The following IYD variants were observed in gnomAD, a reference collection of about 807,000 sequenced individuals.
IYD encodes iodotyrosine deiodinase 1.
IYD carries 25 observed loss-of-function variants against 28.4 expected under a neutral mutation model. The observed-to-expected ratio is 0.88, with a 90% confidence interval of 0.64 to 1.23. The LOEUF (loss-of-function observed/expected upper bound fraction) is 1.23, where lower values mean the gene tolerates loss of function less well. IYD is among the 50% of genes most tolerant of loss of function. The pLI is 0.00. For synonymous variants in IYD, 140 were observed against 130.8 expected, an observed-to-expected ratio of 1.07 and a Z score of -0.48; for missense variants, 352 against 357.9, an observed-to-expected ratio of 0.98 and a Z score of 0.13.
At chr6:150,382,280 C>T (rs142528194) in intron 1 of IYD, among the ~76,000 whole-genome samples, 1 of 152,288 alleles carries the variant, frequency 6.6e-6, no homozygotes, top group Non-Finnish European at 1.5e-5. Context: ...GGCCGTCTCT[C>T]AGCTTGCATT....
chr6:150,387,353 GAGTTTGAGTCCAGCCT>G (rs1316607684), intron 1 of IYD, among the ~76,000 whole-genome samples: 2 of 151,122 alleles, frequency 1.3e-5, no homozygotes. Flanking sequence ...TTGAGGCCAG[GAGTTTGAGTCCAGCCT>G]GGGCAACATA....
chr6:150,388,159 T>C (rs1777948397), intron 1 of IYD, among the ~76,000 whole-genome samples: 1 of 152,240 alleles, frequency 6.6e-6, no homozygotes, highest in Non-Finnish European at 1.5e-5. Flanking sequence ...TTATTCCAAG[T>C]TCAAGTTTGA....
At chr6:150,391,233 CA>C (rs3842126) in intron 2 of IYD, among the ~76,000 whole-genome samples, 28,162 of 113,032 alleles carry the variant, frequency 0.25, 2,897 homozygotes, top group East Asian at 0.33. Flanking sequence ...GAGACGCCAT[CA>C]AAAAAAAAAA....
At chr6:150,384,829 A>G (rs1197575397) in intron 1 of IYD, 2 of 152,228 alleles carry the variant, frequency 1.3e-5, no homozygotes, top group Non-Finnish European at 1.5e-5. Context: ...TGAACTTCAC[A>G]AAGTTATTTA....
At chr6:150,380,564 G>T (rs576179596) in intron 1 of IYD, among the ~76,000 whole-genome samples, 1 of 152,176 alleles carries the variant, frequency 6.6e-6, no homozygotes, top group South Asian at 2.1e-4. Flanking sequence ...TTTAAAAAAG[G>T]CTGAATCCTC....
intron 1 of IYD, among the ~76,000 whole-genome samples, chr6:150,376,075 G>A (rs191739491): frequency 8.5e-5 from 13 of 152,264 alleles, no homozygotes; most frequent in Admixed American, 6.5e-4. Context: ...CACAATTAAC[G>A]GATTCCTTGG....
intron 4 of IYD, chr6:150,396,553 A>C: frequency 1.5e-6 from 1 of 670,786 alleles, no homozygotes; most frequent in East Asian, 2.8e-5. Context: ...AATGACACTA[A>C]ATTAAGGTGT....
At chr6:150,380,596 GC>G (rs1023252319) in intron 1 of IYD, among the ~76,000 whole-genome samples, 2 of 152,062 alleles carry the variant, frequency 1.3e-5, no homozygotes, top group African/African-American at 2.4e-5. Flanking sequence ...CTTTGAGGAG[GC>G]CAATTCCCTC....
chr6:150,389,230 T>G, intron 1 of IYD, 122 bp from the exon 2 acceptor site: 1 of 706,032 alleles, frequency 1.4e-6, no homozygotes, highest in Non-Finnish European at 2.5e-6. Context: ...CTTTTTTCAT[T>G]TTATAGTATT....
chr6:150,389,273 C>G, intron 1 of IYD, 79 bp from the exon 2 acceptor site: 2 of 1,063,266 alleles, frequency 1.9e-6, no homozygotes, highest in Non-Finnish European at 2.9e-6. Flanking sequence ...CATTTAAGCA[C>G]TTTATCTTCT....
intron 2 of IYD, among the ~76,000 whole-genome samples, chr6:150,389,837 T>C (rs558978259): frequency 6.6e-6 from 1 of 152,316 alleles, no homozygotes; most frequent in South Asian, 2.1e-4. Context: ...CATCATTATA[T>C]TAATATATTG....
intron 1 of IYD, among the ~76,000 whole-genome samples, chr6:150,371,482 AT>A (rs1024652452): frequency 2.0e-5 from 3 of 151,792 alleles, no homozygotes; most frequent in African/African-American, 7.3e-5. Flanking sequence ...AGGCCACTGG[AT>A]TTGAAGACCC....
At chr6:150,375,010 C>T (rs1376120320) in intron 1 of IYD, among the ~76,000 whole-genome samples, 1 of 152,160 alleles carries the variant, frequency 6.6e-6, no homozygotes, top group Non-Finnish European at 1.5e-5. Context: ...GAAAGCACTT[C>T]CCTATTCAAG....
intron 1 of IYD, among the ~76,000 whole-genome samples, chr6:150,380,096 A>G (rs1436128144): frequency 6.6e-6 from 1 of 152,192 alleles, no homozygotes; most frequent in Non-Finnish European, 1.5e-5. Flanking sequence ...GTTCACTAAT[A>G]TATATATCAA....
intron 1 of IYD, 116 bp from the exon 2 acceptor site, chr6:150,389,236 G>A: frequency 1.4e-6 from 1 of 719,458 alleles, no homozygotes; most frequent in Non-Finnish European, 2.4e-6. Context: ...TCATTTTATA[G>A]TATTTTTTTG....
chr6:150,381,543 T>TACAATTATC (rs1486826502), intron 1 of IYD, among the ~76,000 whole-genome samples: 1 of 152,186 alleles, frequency 6.6e-6, no homozygotes, highest in African/African-American at 2.4e-5. Context: ...CAAAACCTTA[T>TACAATTATC]ACAATTATCA....
rs927463265 is a variant in IYD, at chr6:150,400,138, G to A, written c.*1901G>A. 6.6e-6 allele frequency: 1 copy of A among 152,226 alleles called. No homozygotes were observed. Among genetic ancestry groups the A allele is most frequent in the African/African-American group, 2.4e-5 (1 of 41,458 alleles). 9.4% of individuals were successfully genotyped at this position (152,226 alleles called of 1,614,324 possible). ...CTCCTCTTCAGAGAAGCCCTCCTGT[G>A]GCTCAGGGGCAGCTGCAGGGCCAGA... On this transcript the variant is annotated 3_prime_UTR_variant, in exon 5 of 5. Transcript: ENST00000344419.
chr6:150,378,733 C>T (rs1396752021), intron 1 of IYD, among the ~76,000 whole-genome samples: 6 of 152,148 alleles, frequency 3.9e-5, no homozygotes, highest in Non-Finnish European at 5.9e-5. Flanking sequence ...GTCAGTGTGG[C>T]GATTCCTCAG....
At chr6:150,392,198 A>T (rs1778146831) in intron 2 of IYD, 147 bp from the exon 3 acceptor site, 10 of 248,842 alleles carry the variant, frequency 4.0e-5, no homozygotes, top group South Asian at 1.1e-4. Context: ...CCTGCTAGTT[A>T]AAAAAAAAAA....
Sources: allele counts gnomAD v4.1 joint callset (sites outside exome capture counted in the v4.1 genomes callset), GRCh38; gene constraint gnomAD v4.1.1; transcripts MANE v1.5; gene names NCBI Gene and HGNC (gene_info 2026-07-23, HGNC 2026-07-21).